EPHA6: variants seen among roughly 807,000 people sequenced by gnomAD.
EPHA6 encodes the protein EPH receptor A6.
Under a neutral mutation model 112.0 loss-of-function variants are expected in EPHA6, and 50 were observed. That is an observed-to-expected ratio of 0.45 (90% CI 0.36 to 0.56). The LOEUF (loss-of-function observed/expected upper bound fraction) is 0.56, where lower values mean the gene tolerates loss of function less well. Ranked by LOEUF, EPHA6 falls within the 20% of genes least tolerant of loss-of-function variation. The probability of loss-of-function intolerance (pLI) is 0.00; values close to 1 mark genes in which losing one functional copy is unlikely to be tolerated. For missense variants in EPHA6, 1,280 were observed against 1,417.4 expected, an observed-to-expected ratio of 0.90 and a Z score of 1.56; for synonymous variants, 529 against 490.7, an observed-to-expected ratio of 1.08 and a Z score of -1.03.
chr3:97,554,077 T>C lies in EPHA6; in HGVS notation c.2386+21534T>C, dbSNP rs2093068293. ...AGCAACAACTTAGTGTAGCCATGGT[T>C]GTGTTGTTCATTAACTGCAATTTAG... On this transcript the variant is annotated intron_variant, in intron 11 of 17. Coordinates refer to ENST00000389672, the MANE Select transcript of EPHA6 (RefSeq NM_001080448.3). Among the ~76,000 whole-genome samples, 8 of 152,318 alleles carry C rather than the reference T, an allele frequency of 5.3e-5. No homozygotes were observed. In the South Asian group the frequency reaches 1.5e-3, roughly 28 times the overall value.
intron 5 of EPHA6, among the ~76,000 whole-genome samples, chr3:97,309,853 CA>C (rs2081474849): frequency 1.3e-5 from 2 of 151,408 alleles, no homozygotes; most frequent in South Asian, 4.1e-4. Context: ...AATTTAAAAA[CA>C]ATAAAACAAA....
chr3:97,146,925 T>C (rs980117534), intron 3 of EPHA6, among the ~76,000 whole-genome samples: 1 of 151,208 alleles, frequency 6.6e-6, no homozygotes, highest in Non-Finnish European at 1.5e-5. Context: ...GCTCTTTTAA[T>C]TAAAAAAATA....
intron 5 of EPHA6, among the ~76,000 whole-genome samples, chr3:97,325,405 G>T (rs1396089024): frequency 6.6e-6 from 1 of 152,008 alleles, no homozygotes; most frequent in Non-Finnish European, 1.5e-5. Flanking sequence ...GAGTCACTCT[G>T]TATGTAGAAA....
At chr3:96,963,090 A>G (rs2042003078) in intron 2 of EPHA6, among the ~76,000 whole-genome samples, 1 of 148,534 alleles carries the variant, frequency 6.7e-6, no homozygotes, top group African/African-American at 2.5e-5. Flanking sequence ...TGAGCTCAGG[A>G]TGCGGAGGTT....
intron 3 of EPHA6, among the ~76,000 whole-genome samples, chr3:97,093,194 C>T (rs768204969): frequency 1.4e-4 from 21 of 152,134 alleles, no homozygotes; most frequent in Non-Finnish European, 3.1e-4. Context: ...ATCTAGCCAT[C>T]TTATCAAGCT....
At chr3:97,023,169 C>T (rs1226466912) in intron 3 of EPHA6, among the ~76,000 whole-genome samples, 3 of 152,172 alleles carry the variant, frequency 2.0e-5, no homozygotes, top group African/African-American at 7.2e-5. Flanking sequence ...AGCTCCACCT[C>T]CTGTTTTCAA....
At chr3:97,359,741 G>A in intron 5 of EPHA6, among the ~76,000 whole-genome samples, 1 of 151,904 alleles carries the variant, frequency 6.6e-6, no homozygotes, top group East Asian at 1.9e-4. Context: ...AGGGTTTCCT[G>A]CTTTTGTTAC....
Position 97,520,072 on chromosome 3 carries a change from A to T in EPHA6, c.2201-12286A>T, listed in dbSNP as rs1193675925. 2.0e-5 allele frequency among the ~76,000 whole-genome samples: 3 copies of T among 148,826 alleles called. No individual in the cohort carries two copies. In the South Asian group the frequency reaches 6.4e-4, roughly 32 times the overall value. ...AAGCTCTGCCTCCCGGGTTCATGCC[A>T]TTCTCCTGCCTCAGCCTCCTGAGTA... On this transcript the variant is annotated intron_variant, in intron 10 of 17. Transcript: ENST00000389672.
chr3:97,590,045 G>T (rs1267622100), intron 11 of EPHA6, among the ~76,000 whole-genome samples: 1 of 152,148 alleles, frequency 6.6e-6, no homozygotes, highest in Admixed American at 6.6e-5. Context: ...ACAAAGAATT[G>T]CTGTTTCTCC....
At chr3:96,913,756 C>T (rs1316928134) in intron 2 of EPHA6, among the ~76,000 whole-genome samples, 1 of 152,038 alleles carries the variant, frequency 6.6e-6, no homozygotes, top group Non-Finnish European at 1.5e-5. Context: ...GGGATCTAAG[C>T]ACCATGAATA....
chr3:97,001,360 G>A (rs1024453052), intron 3 of EPHA6, among the ~76,000 whole-genome samples: 7 of 151,606 alleles, frequency 4.6e-5, no homozygotes, highest in East Asian at 1.9e-4. Flanking sequence ...ACATAAACTC[G>A]GATATAACTT....
At chr3:97,195,705 G>T (rs953356237) in intron 3 of EPHA6, among the ~76,000 whole-genome samples, 27 of 152,036 alleles carry the variant, frequency 1.8e-4, no homozygotes, top group Admixed American at 1.1e-3. Flanking sequence ...GCTTTTGTTT[G>T]TCTGGGAAAG....
chr3:97,083,186 C>T (rs1167161255), intron 3 of EPHA6, among the ~76,000 whole-genome samples: 6 of 152,036 alleles, frequency 3.9e-5, no homozygotes, highest in Non-Finnish European at 7.4e-5. Context: ...TTCACTTTTC[C>T]TGCCCCTGCC....
intron 3 of EPHA6, among the ~76,000 whole-genome samples, chr3:97,179,438 T>C (rs2076923506): frequency 6.6e-6 from 1 of 152,116 alleles, no homozygotes. Flanking sequence ...TGTTCTTTGG[T>C]GTCTGGACAC....
intron 5 of EPHA6, among the ~76,000 whole-genome samples, chr3:97,253,161 G>T (rs2079192958): frequency 6.6e-6 from 1 of 152,104 alleles, no homozygotes; most frequent in African/African-American, 2.4e-5. Flanking sequence ...AGAACTGACT[G>T]CCTGAAATAT....
At chr3:97,034,412 A>G (rs1276155567) in intron 3 of EPHA6, among the ~76,000 whole-genome samples, 2 of 151,868 alleles carry the variant, frequency 1.3e-5, no homozygotes, top group Non-Finnish European at 2.9e-5. Context: ...CACAATCTCA[A>G]TATTTTCAGT....
At chr3:97,329,628 T>A (rs2082675878) in intron 5 of EPHA6, among the ~76,000 whole-genome samples, 1 of 152,206 alleles carries the variant, frequency 6.6e-6, no homozygotes, top group South Asian at 2.1e-4. Context: ...CTGAGAAGTG[T>A]CTGTTCATAT....
chr3:97,630,135 G>A (rs567172482), intron 13 of EPHA6, among the ~76,000 whole-genome samples: 1 of 151,790 alleles, frequency 6.6e-6, no homozygotes, highest in African/African-American at 2.4e-5. Context: ...GTTTTTAGGT[G>A]TATTAGAAAT....
chr3:97,600,307 A>G (rs1193242222), intron 12 of EPHA6, among the ~76,000 whole-genome samples: 1 of 149,898 alleles, frequency 6.7e-6, no homozygotes, highest in African/African-American at 2.5e-5. Context: ...CACTATGTTG[A>G]ATAGGAGTGG....
Sources: allele counts gnomAD v4.1 joint callset (sites outside exome capture counted in the v4.1 genomes callset), GRCh38; gene constraint gnomAD v4.1.1; transcripts MANE v1.5; gene names NCBI Gene and HGNC (gene_info 2026-07-23, HGNC 2026-07-21).